Variants in ELP4 observed in about 807,000 individuals in gnomAD.
The protein encoded by ELP4 is elongator complex protein 4.
In ELP4, 51 loss-of-function variants were observed where a neutral mutation model predicts 48.9. The observed-to-expected ratio is 1.04, with a 90% CI of 0.83 to 1.32. The LOEUF (loss-of-function observed/expected upper bound fraction) is 1.32. Among genes scored for constraint, ELP4 ranks in the 40% most tolerant of loss-of-function variants. The probability of loss-of-function intolerance (pLI) is 0.00; values close to 1 mark genes in which losing one functional copy is unlikely to be tolerated. For synonymous variants in ELP4, 210 were observed against 189.2 expected (o/e 1.11, Z -0.90); for missense variants, 519 against 514.6 (o/e 1.01, Z -0.08).
chr11:31,622,337 T>G (rs184749354), intron 5 of ELP4, among the ~76,000 whole-genome samples: 1 of 151,912 alleles, frequency 6.6e-6, no homozygotes, highest in African/African-American at 2.4e-5. Flanking sequence ...TAAATATTTT[T>G]GTATTAAACC....
intron 3 of ELP4, among the ~76,000 whole-genome samples, chr11:31,588,876 A>C (rs1387169865): frequency 6.6e-6 from 1 of 152,156 alleles, no homozygotes; most frequent in Non-Finnish European, 1.5e-5. Flanking sequence ...CCAGCTGTTC[A>C]GGAGGCTGAG....
chr11:31,537,303 C>G (rs2133902616), intron 2 of ELP4, among the ~76,000 whole-genome samples: 1 of 152,300 alleles, frequency 6.6e-6, no homozygotes, highest in East Asian at 1.9e-4. Flanking sequence ...CCACCTTTGT[C>G]AAAAACCGAT....
chr11:31,660,992 G>A (rs1222909549), intron 9 of ELP4, among the ~76,000 whole-genome samples: 1 of 151,834 alleles, frequency 6.6e-6, no homozygotes, highest in East Asian at 1.9e-4. Context: ...AATACACTTA[G>A]ATTTTACATG....
chr11:31,560,279 T>G (rs1956996393), intron 3 of ELP4, among the ~76,000 whole-genome samples: 1 of 152,144 alleles, frequency 6.6e-6, no homozygotes, highest in Non-Finnish European at 1.5e-5. Context: ...TGATCTCTGT[T>G]TAAGAAATAA....
chr11:31,636,640 CTT>C (rs879419741), intron 7 of ELP4, among the ~76,000 whole-genome samples: 32 of 151,874 alleles, frequency 2.1e-4, no homozygotes, highest in Non-Finnish European at 4.0e-4. Context: ...CTGATTTTAA[CTT>C]ATTGTTATAA....
At chr11:31,525,842 A>G (rs1225644571) in intron 2 of ELP4, among the ~76,000 whole-genome samples, 3 of 152,114 alleles carry the variant, frequency 2.0e-5, no homozygotes, top group African/African-American at 4.8e-5. Context: ...ATCTTTGGTC[A>G]TTATCTAAAA....
At chr11:31,777,348 G>A (rs1470497215) in intron 9 of ELP4, among the ~76,000 whole-genome samples, 1 of 152,086 alleles carries the variant, frequency 6.6e-6, no homozygotes, top group Non-Finnish European at 1.5e-5. Context: ...ATAGAGCAGG[G>A]GAGACTATGA....
intron 9 of ELP4, among the ~76,000 whole-genome samples, chr11:31,734,144 A>C (rs906897120): frequency 6.6e-6 from 1 of 152,206 alleles, no homozygotes; most frequent in African/African-American, 2.4e-5. Flanking sequence ...ATATGCCCCC[A>C]AAAAAGTATT....
At chr11:31,520,027 A>C in intron 1 of ELP4, 29 bp from the exon 2 acceptor site, 1 of 1,609,416 alleles carries the variant, frequency 6.2e-7, no homozygotes, top group Non-Finnish European at 8.5e-7. Context: ...AGGTAAATTA[A>C]TTTTCTTCTG....
Position 31,746,579 on chromosome 11 carries a change from TC to T in ELP4, c.1144-36812del, listed in dbSNP as rs369982798. On this transcript the variant is annotated intron_variant, in intron 9 of 9. Coordinates refer to ENST00000640961, the MANE Select transcript of ELP4 (RefSeq NM_019040.5). ...AGCCATAAAAAATGATGAGTTCATGTCCTTTGTAGGGACATGGATGAAACTG... is the reference window on the plus strand; with the variant it reads ...AGCCATAAAAAATGATGAGTTCATGTCTTTGTAGGGACATGGATGAAACTG... Among the ~76,000 whole-genome samples the T allele has an allele frequency of 2.7e-4, 41 of 152,324 alleles. No individual in the cohort carries two copies. The East Asian group carries it at 6.4e-3, about 24-fold the overall frequency.
At chr11:31,652,624 G>A (rs577403639) in intron 9 of ELP4, 2 of 151,660 alleles carry the variant, frequency 1.3e-5, no homozygotes, top group African/African-American at 2.4e-5. Context: ...AAAATAAAAT[G>A]TAACCTTACT....
chr11:31,520,982 TA>T (rs1165214244), intron 2 of ELP4, among the ~76,000 whole-genome samples: 1 of 151,974 alleles, frequency 6.6e-6, no homozygotes, highest in Non-Finnish European at 1.5e-5. Flanking sequence ...GACTATAAAA[TA>T]AATATGTTAA....
At chr11:31,583,838 A>G (rs1957429370) in intron 3 of ELP4, among the ~76,000 whole-genome samples, 1 of 152,256 alleles carries the variant, frequency 6.6e-6, no homozygotes, top group South Asian at 2.1e-4. Flanking sequence ...GTTCTATTCC[A>G]GAACTGTGAA....
intron 9 of ELP4, among the ~76,000 whole-genome samples, chr11:31,755,531 T>C (rs1318698015): frequency 6.6e-6 from 1 of 152,166 alleles, no homozygotes; most frequent in Non-Finnish European, 1.5e-5. Flanking sequence ...TTTAGCAGTC[T>C]TGCCAAAAAT....
intron 9 of ELP4, among the ~76,000 whole-genome samples, chr11:31,692,400 A>G (rs1484068212): frequency 1.3e-5 from 2 of 152,212 alleles, no homozygotes; most frequent in East Asian, 3.8e-4. Context: ...TTCTAGTGAT[A>G]GAATGTTTTC....
chr11:31,530,626 A>T (rs1244697024), intron 2 of ELP4, among the ~76,000 whole-genome samples: 1 of 152,152 alleles, frequency 6.6e-6, no homozygotes, highest in African/African-American at 2.4e-5. Context: ...AAAAAATGAT[A>T]TTCCTGTTGT....
chr11:31,749,123 T>C (rs961240905), intron 9 of ELP4, among the ~76,000 whole-genome samples: 1 of 152,140 alleles, frequency 6.6e-6, no homozygotes, highest in Non-Finnish European at 1.5e-5. Flanking sequence ...GGATGACTTA[T>C]GGAATGCCTT....
At chr11:31,706,991 C>T (rs1311529581) in intron 9 of ELP4, 2 of 398,082 alleles carry the variant, frequency 5.0e-6, no homozygotes, top group African/African-American at 4.1e-5. Context: ...TTTTTGGACA[C>T]CTAGGTTGAC....
At chr11:31,625,712 T>C (rs1037198978) in intron 5 of ELP4, among the ~76,000 whole-genome samples, 3 of 151,994 alleles carry the variant, frequency 2.0e-5, no homozygotes, top group Middle Eastern at 3.4e-3. Context: ...GGAATTCATT[T>C]CATAATCTGA....
Sources: gnomAD v4.1 joint callset for allele counts (sites outside exome capture counted in the v4.1 genomes callset) on GRCh38, gnomAD v4.1.1 for gene constraint, MANE v1.5 for transcripts, NCBI Gene and HGNC (gene_info 2026-07-23, HGNC 2026-07-21) for gene names.